SHOC2: variants seen among roughly 807,000 people sequenced by gnomAD.
SHOC2 encodes the protein leucine-rich repeat protein SHOC-2.
A neutral mutation model predicts 50.2 loss-of-function variants in SHOC2; 4 were observed. That is an observed-to-expected ratio of 0.08 (90% CI 0.04 to 0.18). The LOEUF is 0.18. Ranked by LOEUF, SHOC2 falls within the 10% of genes least tolerant of loss-of-function variation. The pLI is 1.00. For missense variants in SHOC2, 388 were observed against 669.6 expected (o/e 0.58, Z 4.64); for synonymous variants, 218 against 244.5 (o/e 0.89, Z 1.01).
intron 2 of SHOC2, among the ~76,000 whole-genome samples, chr10:110,973,368 T>C (rs1847818393): frequency 6.6e-6 from 1 of 152,182 alleles, no homozygotes; most frequent in African/African-American, 2.4e-5. Flanking sequence ...CATTTACCAA[T>C]CTTTGATTGC....
rs1242463257 is a variant in SHOC2 at position 111,012,715 on chromosome 10, C to T, written c.*897C>T. On this transcript the variant is annotated 3_prime_UTR_variant, in exon 9 of 9. Transcript: ENST00000369452. Reference sequence around the variant, plus strand: ...CACACACAATCTATATATGTATATACAATGCTATATAGATATGTATTTATT... The same window carrying T: ...CACACACAATCTATATATGTATATATAATGCTATATAGATATGTATTTATT... 6.6e-6 allele frequency: 1 copy of T among 152,160 alleles called. No homozygotes were observed. Among genetic ancestry groups the T allele is most frequent in the Non-Finnish European group, 1.5e-5 (1 of 68,000 alleles). 9.4% of individuals were successfully genotyped at this position (152,160 alleles called of 1,614,324 possible). A position where few individuals can be genotyped will look rare whatever the true frequency, so the allele number is the denominator to read the frequency against.
chr10:110,939,175 C>G (rs1216271499), intron 1 of SHOC2, among the ~76,000 whole-genome samples: 1 of 152,014 alleles, frequency 6.6e-6, no homozygotes, highest in African/African-American at 2.4e-5. Flanking sequence ...CCCTATAACT[C>G]CAGATTTTTT....
At chr10:110,976,845 CCTTA>C (rs906694783) in intron 2 of SHOC2, among the ~76,000 whole-genome samples, 3 of 151,946 alleles carry the variant, frequency 2.0e-5, no homozygotes, top group African/African-American at 7.3e-5. Flanking sequence ...GTAACTTTTC[CCTTA>C]CTTGGTCATT....
At chr10:110,943,411 T>G (rs1847188889) in intron 1 of SHOC2, among the ~76,000 whole-genome samples, 1 of 152,222 alleles carries the variant, frequency 6.6e-6, no homozygotes, top group Non-Finnish European at 1.5e-5. Flanking sequence ...GGTTATTTGG[T>G]TCTTTTAAAA....
intron 2 of SHOC2, among the ~76,000 whole-genome samples, chr10:110,967,933 T>C (rs1325161378): frequency 6.6e-6 from 1 of 152,210 alleles, no homozygotes; most frequent in Non-Finnish European, 1.5e-5. Context: ...TCTGTATTTG[T>C]GTACAAGTTT....
rs1848598775 is a variant in SHOC2 at position 111,013,176 on chromosome 10, G to A, written c.*1358G>A. On this transcript the variant is annotated 3_prime_UTR_variant, in exon 9 of 9. Transcript: ENST00000369452. The stretch of plus-strand genomic sequence containing the variant: ...GCTTCACTGCTTTTAATACTTAGCA[G>A]TATTGTTGGTCTAAGTCAATTTGAT... 6.6e-6 allele frequency: 1 copy of A among 152,160 alleles called. No individual in the cohort carries two copies. Among genetic ancestry groups the A allele is most frequent in the South Asian group, 2.1e-4 (1 of 4,832 alleles). 9.4% of individuals were successfully genotyped at this position (152,160 alleles called of 1,614,324 possible). A position where few individuals can be genotyped will look rare whatever the true frequency, so the allele number is the denominator to read the frequency against.
chr10:110,930,336 C>T (rs897170301), intron 1 of SHOC2, among the ~76,000 whole-genome samples: 2 of 151,864 alleles, frequency 1.3e-5, no homozygotes, highest in African/African-American at 2.4e-5. Context: ...TTATTGAGAG[C>T]GCATTTATTT....
chr10:111,006,318 T>C (rs541735910), intron 5 of SHOC2, among the ~76,000 whole-genome samples: 1 of 152,368 alleles, frequency 6.6e-6, no homozygotes, highest in South Asian at 2.1e-4. Context: ...ATTTCTTTTA[T>C]GGGTCATTTT....
intron 2 of SHOC2, among the ~76,000 whole-genome samples, chr10:110,970,539 G>A (rs567146918): frequency 2.6e-5 from 4 of 152,098 alleles, no homozygotes; most frequent in Middle Eastern, 3.4e-3. Context: ...CTTTCCTTTG[G>A]ATATATACCC....
intron 1 of SHOC2, among the ~76,000 whole-genome samples, chr10:110,947,674 C>T (rs910754777): frequency 2.7e-5 from 4 of 150,384 alleles, no homozygotes; most frequent in Non-Finnish European, 2.9e-5. Flanking sequence ...AGCTTAACAA[C>T]AGACTATTAT....
At chr10:111,003,396 C>A (rs1285298403) in intron 4 of SHOC2, among the ~76,000 whole-genome samples, 1 of 152,154 alleles carries the variant, frequency 6.6e-6, no homozygotes, top group African/African-American at 2.4e-5. Flanking sequence ...AGCTCACTGT[C>A]AGCTTTCATC....
rs981471065 is a variant in SHOC2 at position 110,942,817 on chromosome 10, T to A, written c.-234-21308T>A. ...TACCTTCATTTTTGAAGGATAGTTT[T>A]TATGGATATAGAATTCTTGTTAGAC... On this transcript the variant is annotated intron_variant, in intron 1 of 8. Transcript: ENST00000369452. Among the ~76,000 whole-genome samples, 33 of 152,342 alleles carry A rather than the reference T, an allele frequency of 2.2e-4. 1 individual carries two copies. The highest frequency in any genetic ancestry group is 6.5e-4 in the African/African-American group (27 of 41,584).
chr10:110,984,278 T>C (rs1387612446), intron 2 of SHOC2, among the ~76,000 whole-genome samples: 1 of 152,240 alleles, frequency 6.6e-6, no homozygotes, highest in East Asian at 1.9e-4. Flanking sequence ...ATGTGTTTAT[T>C]GCCCACTTGT....
chr10:110,943,595 G>A (rs1469330181), intron 1 of SHOC2, among the ~76,000 whole-genome samples: 3 of 152,080 alleles, frequency 2.0e-5, no homozygotes, highest in African/African-American at 4.8e-5. Flanking sequence ...GTGAACATGG[G>A]CTATCATGAC....
chr10:110,998,383 T>C (rs1305617112), intron 3 of SHOC2, among the ~76,000 whole-genome samples: 1 of 152,132 alleles, frequency 6.6e-6, no homozygotes, highest in Non-Finnish European at 1.5e-5. Flanking sequence ...CACTCAATTT[T>C]TTTTTTTCTC....
At chr10:110,919,684 G>A in intron 1 of SHOC2, 27 bp downstream of exon 1, 1 of 398,420 alleles carries the variant, frequency 2.5e-6, no homozygotes, top group Non-Finnish European at 4.4e-6. Context: ...GAGGCGGAGG[G>A]TGTCTGTTGG....
chr10:110,957,981 T>C (rs764374038), intron 1 of SHOC2, among the ~76,000 whole-genome samples: 4 of 152,150 alleles, frequency 2.6e-5, no homozygotes, highest in Non-Finnish European at 5.9e-5. Flanking sequence ...CTCTTATTCC[T>C]CCTCCCTTCA....
intron 7 of SHOC2, 106 bp downstream of exon 7, chr10:111,009,491 C>A: frequency 9.5e-7 from 1 of 1,056,490 alleles, no homozygotes; most frequent in African/African-American, 1.6e-5. Flanking sequence ...GATAGACTTT[C>A]CTATTCTAGT....
chr10:110,978,826 T>A (rs1461363366), intron 2 of SHOC2, among the ~76,000 whole-genome samples: 1 of 152,222 alleles, frequency 6.6e-6, no homozygotes, highest in Non-Finnish European at 1.5e-5. Context: ...CTTTGGCTTC[T>A]TAGGCAGTAG....
Sources: gnomAD v4.1 joint callset for allele counts (sites outside exome capture counted in the v4.1 genomes callset) on GRCh38, gnomAD v4.1.1 for gene constraint, MANE v1.5 for transcripts, NCBI Gene and HGNC (gene_info 2026-07-23, HGNC 2026-07-21) for gene names.